DERL2: variants seen among roughly 807,000 people sequenced by gnomAD.
DERL2 encodes derlin 2.
A neutral mutation model predicts 32.0 loss-of-function variants in DERL2; 13 were observed. The ratio of observed to expected loss-of-function variants is 0.41; its 90% CI spans 0.26 to 0.65. DERL2 has a LOEUF of 0.65. Ranked by LOEUF, DERL2 falls within the 30% of genes least tolerant of loss-of-function variation. The probability of loss-of-function intolerance (pLI) is 0.35; values close to 1 mark genes in which losing one functional copy is unlikely to be tolerated. For synonymous variants in DERL2, 111 were observed against 104.7 expected, an observed-to-expected ratio of 1.06 and a Z score of -0.37; for missense variants, 208 against 296.3, an observed-to-expected ratio of 0.70 and a Z score of 2.19.
chr17:5,483,636 T>C (rs565508122), intron 2 of DERL2, among the ~76,000 whole-genome samples: 2 of 152,310 alleles, frequency 1.3e-5, no homozygotes, highest in African/African-American at 2.4e-5. Context: ...AATTCACAGA[T>C]AGGAGACTAA....
chr17:5,473,581 TG>T lies in DERL2; in HGVS notation c.*1102del, dbSNP rs1368373285. ...ATTCTAACTTGGTTTCCAAATCTAATGAAAATCTGAGACCCTGTCTCTATTT... is the reference window on the plus strand; with the variant it reads ...ATTCTAACTTGGTTTCCAAATCTAATAAAATCTGAGACCCTGTCTCTATTT... On this transcript the variant is annotated 3_prime_UTR_variant, in exon 7 of 7. Coordinates refer to ENST00000158771, the MANE Select transcript of DERL2 (RefSeq NM_016041.5). 1.2e-4 allele frequency: 18 copies of T among 147,980 alleles called. No homozygotes were observed. Among genetic ancestry groups the T allele is most frequent in the African/African-American group, 4.5e-4 (18 of 39,992 alleles). 9.2% of individuals were successfully genotyped at this position (147,980 alleles called of 1,614,324 possible).
chr17:5,485,449 T>C (rs1238656452), intron 1 of DERL2, among the ~76,000 whole-genome samples: 3 of 152,190 alleles, frequency 2.0e-5, no homozygotes, highest in Non-Finnish European at 4.4e-5. Flanking sequence ...TTGCAATAGT[T>C]GAGGCTGACA....
chr17:5,483,349 T>TAA (rs35004532), intron 2 of DERL2, among the ~76,000 whole-genome samples: 80 of 136,030 alleles, frequency 5.9e-4, no homozygotes, highest in Admixed American at 2.1e-3. Context: ...AACTAAAACT[T>TAA]AAAAAAAAAA....
At chr17:5,485,994 G>T (rs1906238642) in intron 1 of DERL2, 75 bp downstream of exon 1, 4 of 1,418,244 alleles carry the variant, frequency 2.8e-6, no homozygotes, top group African/African-American at 1.4e-5. Flanking sequence ...CCTCCCCGAG[G>T]CCCAAACCCC....
At chr17:5,482,415 GA>G (rs1267018692) in intron 3 of DERL2, 21 of 181,678 alleles carry the variant, frequency 1.2e-4, no homozygotes, top group African/African-American at 7.2e-5. Context: ...GACCCAAGGA[GA>G]TCTCAGGTTC....
At chr17:5,476,063 G>C (rs977202722) in intron 6 of DERL2, among the ~76,000 whole-genome samples, 4 of 152,062 alleles carry the variant, frequency 2.6e-5, no homozygotes, top group African/African-American at 7.2e-5. Context: ...TTTTATGTTA[G>C]GTATTATTTT....
At chr17:5,486,200 A>AT, upstream of DERL2, 1 of 996,176 alleles carries the variant, frequency 1.0e-6, no homozygotes, top group Non-Finnish European at 1.2e-6. Flanking sequence ...CACCCACCCC[A>AT]TTTCCCCTTC....
At chr17:5,482,674 C>G in intron 3 of DERL2, 135 bp downstream of exon 3, 1 of 585,136 alleles carries the variant, frequency 1.7e-6, no homozygotes, top group South Asian at 1.9e-5. Flanking sequence ...ACCTAAGCAA[C>G]TACTTTATGT....
rs1482155265 is a variant in DERL2, at chr17:5,472,505, C to A, written c.*2179G>T. 2 of 152,230 alleles carry A rather than the reference C, an allele frequency of 1.3e-5. No individual in the cohort carries two copies. The highest frequency in any genetic ancestry group is 2.9e-5 in the Non-Finnish European group (2 of 68,058). The allele number at this position is 152,230 out of a possible 1,614,324, so 9.4% of individuals were successfully genotyped here. Reference sequence around the variant, plus strand: ...TCAGGACACAGTGTAGTCAGTCACACAGCAGGGCATCCTGCCACTGGGAAC... The same window carrying A: ...TCAGGACACAGTGTAGTCAGTCACAAAGCAGGGCATCCTGCCACTGGGAAC... On this transcript the variant is annotated 3_prime_UTR_variant, in exon 7 of 7. Coordinates refer to ENST00000158771, the MANE Select transcript of DERL2 (RefSeq NM_016041.5).
At position 5,485,183 on chromosome 17, in the gene DERL2, A is replaced by C; in HGVS notation, c.127T>G (p.Phe43Val). Residue 43 changes from phenylalanine (F) to valine (V), a missense_variant, in exon 2 of 7, where the codon TTC becomes GTC. By Grantham distance (50) the Phe-to-Val change is conservative. Transcript: ENST00000158771. ...LELITPFQLY[F>V]NPELIFKHFQ... ...TGTTTAAAGATTAATTCAGGATTGA[A>C]GTACAACTGAAAAGGTGTGATCAAT... The C allele has an allele frequency of 6.3e-7, 1 of 1,598,202 alleles. No individual in the cohort carries two copies. The highest frequency in any genetic ancestry group is 8.5e-7 in the Non-Finnish European group (1 of 1,173,476).
chr17:5,475,938 T>C (rs1905355286), intron 6 of DERL2, among the ~76,000 whole-genome samples: 1 of 152,108 alleles, frequency 6.6e-6, no homozygotes, highest in African/African-American at 2.4e-5. Flanking sequence ...GTTTAATGAG[T>C]ACAGAGTTGT....
At chr17:5,479,750 G>A (rs565293009) in intron 6 of DERL2, among the ~76,000 whole-genome samples, 1 of 152,222 alleles carries the variant, frequency 6.6e-6, no homozygotes, top group Non-Finnish European at 1.5e-5. Flanking sequence ...ACTAAACGTG[G>A]ACAGCAGCTT....
intron 6 of DERL2, among the ~76,000 whole-genome samples, chr17:5,478,840 GA>G (rs1371292630): frequency 3.3e-5 from 5 of 152,208 alleles, no homozygotes; most frequent in African/African-American, 1.2e-4. Context: ...TGTTTTTTGA[GA>G]CAGGGTGCCA....
At chr17:5,486,214 C>T (rs1906284191), upstream of DERL2, 1 of 1,233,052 alleles carries the variant, frequency 8.1e-7, no homozygotes, top group Non-Finnish European at 1.1e-6. Flanking sequence ...CCCCTTCCGC[C>T]AGCAGGCCCC....
intron 2 of DERL2, among the ~76,000 whole-genome samples, chr17:5,483,836 G>T (rs920038412): frequency 1.3e-5 from 2 of 152,226 alleles, no homozygotes; most frequent in African/African-American, 4.8e-5. Flanking sequence ...GACTTACTTG[G>T]ATGGAACTAC....
Position 5,480,650 on chromosome 17 carries a change from A to G in DERL2, c.328-68T>C, listed in dbSNP as rs530349091. 16 of 1,311,786 alleles carry G rather than the reference A, an allele frequency of 1.2e-5. No homozygotes were observed. In the South Asian group the frequency reaches 2.9e-4, roughly 24 times the overall value. The allele number at this position is 1,311,786 out of a possible 1,614,324, so 81.3% of individuals were successfully genotyped here. On this transcript the variant is annotated intron_variant, in intron 4 of 6. Transcript: ENST00000158771. ...ATAGGAAAGACTGAGCAGGAGAACTAAAGATTGTGTTCTAACAGAAGTTTG... is the reference window on the plus strand; with the variant it reads ...ATAGGAAAGACTGAGCAGGAGAACTGAAGATTGTGTTCTAACAGAAGTTTG...
chr17:5,484,809 T>C (rs1177096338), intron 2 of DERL2, among the ~76,000 whole-genome samples: 6 of 152,202 alleles, frequency 3.9e-5, no homozygotes, highest in South Asian at 4.1e-4. Flanking sequence ...CCTCCTCTCA[T>C]AGGACAACGT....
chr17:5,474,851 A>G lies in DERL2; in HGVS notation c.615-62T>C, dbSNP rs1213426925. 4.6e-6 allele frequency: 6 copies of G among 1,293,416 alleles called. No homozygotes were observed. Among genetic ancestry groups the G allele is most frequent in the Non-Finnish European group, 5.5e-6 (5 of 903,062 alleles). 80.1% of individuals were successfully genotyped at this position (1,293,416 alleles called of 1,614,324 possible). A position where few individuals can be genotyped will look rare whatever the true frequency, so the allele number is the denominator to read the frequency against. On this transcript the variant is annotated intron_variant, in intron 6 of 6. Transcript: ENST00000158771. This position sits in a 1 kb window ranked among gnomAD's most constrained non-coding sequence, Gnocchi z 4.3. ...GTCATCTCAGGTCCAAAGTACTACA[A>G]GGTCAGTTCAGGCCCCATAGGGTTT...
chr17:5,480,768 G>A, intron 4 of DERL2, 186 bp from the exon 5 acceptor site: 2 of 491,202 alleles, frequency 4.1e-6, no homozygotes, highest in Admixed American at 3.9e-5. Context: ...ATCTGCTTAG[G>A]CTAAATTATC....
Sources: gnomAD v4.1 joint callset for allele counts (sites outside exome capture counted in the v4.1 genomes callset) on GRCh38, gnomAD v4.1.1 for gene constraint, Gnocchi (gnomAD v3.1) non-coding constraint, MANE v1.5 for transcripts, NCBI Gene and HGNC (gene_info 2026-07-23, HGNC 2026-07-21) for gene names.